GALNT14: variants seen among roughly 807,000 people sequenced by gnomAD.
The protein encoded by GALNT14 is UDP-GalNAc:polypeptide N-acetylgalactosaminyltransferase 14.
In GALNT14, 60 loss-of-function variants were observed where a neutral mutation model predicts 77.5. The observed-to-expected ratio is 0.77, with a 90% CI of 0.63 to 0.96. The LOEUF (loss-of-function observed/expected upper bound fraction) is 0.96, where lower values mean the gene tolerates loss of function less well. GALNT14 is among the 40% of genes least tolerant of loss of function. The probability of loss-of-function intolerance (pLI) is 0.00; values close to 1 mark genes in which losing one functional copy is unlikely to be tolerated. For synonymous variants in GALNT14, 280 were observed against 281.7 expected (o/e 0.99, Z 0.06); for missense variants, 710 against 731.0 (o/e 0.97, Z 0.33).
intron 1 of GALNT14, among the ~76,000 whole-genome samples, chr2:31,131,676 G>A (rs1386140646): frequency 6.6e-6 from 1 of 152,168 alleles, no homozygotes; most frequent in African/African-American, 2.4e-5. Flanking sequence ...GGTGTAGGAT[G>A]TAGGCACAGG....
chr2:31,079,055 CTG>C, intron 1 of GALNT14: 3 of 1,263,358 alleles, frequency 2.4e-6, no homozygotes, highest in African/African-American at 3.1e-5. Context: ...CAGCTGCAAA[CTG>C]TTTTCAATTC....
At chr2:30,964,176 C>T (rs575250111) in intron 3 of GALNT14, among the ~76,000 whole-genome samples, 1 of 152,308 alleles carries the variant, frequency 6.6e-6, no homozygotes, top group African/African-American at 2.4e-5. Flanking sequence ...CTCTCAGGTG[C>T]TAACGCTGTT....
intron 1 of GALNT14, among the ~76,000 whole-genome samples, chr2:31,048,593 C>G (rs994857155): frequency 8.3e-5 from 9 of 108,160 alleles, no homozygotes; most frequent in Non-Finnish European, 1.8e-4. Flanking sequence ...CCTCCCCACC[C>G]CCACTCCTGC....
At chr2:31,068,413 G>A (rs1302711657) in intron 1 of GALNT14, among the ~76,000 whole-genome samples, 1 of 150,580 alleles carries the variant, frequency 6.6e-6, no homozygotes, top group Non-Finnish European at 1.5e-5. Flanking sequence ...CTTGAACCCA[G>A]CAGGCGAAGG....
intron 1 of GALNT14, among the ~76,000 whole-genome samples, chr2:31,044,092 T>C (rs1400477955): frequency 1.3e-5 from 2 of 152,198 alleles, no homozygotes; most frequent in African/African-American, 4.8e-5. Flanking sequence ...CCTTTAATCA[T>C]CCAAAGATCA....
At chr2:31,095,657 G>T (rs575638048) in intron 1 of GALNT14, among the ~76,000 whole-genome samples, 27 of 151,452 alleles carry the variant, frequency 1.8e-4, no homozygotes, top group African/African-American at 6.1e-4. Context: ...CCAGCTATTT[G>T]ATGTCCTAAT....
intron 1 of GALNT14, among the ~76,000 whole-genome samples, chr2:31,121,338 A>G (rs1193344062): frequency 6.6e-6 from 1 of 152,194 alleles, no homozygotes. Flanking sequence ...CAGAACATAC[A>G]CAGCAACGCT....
At chr2:31,059,003 G>A (rs899850541) in intron 1 of GALNT14, among the ~76,000 whole-genome samples, 3 of 152,116 alleles carry the variant, frequency 2.0e-5, no homozygotes, top group Admixed American at 2.0e-4. Flanking sequence ...AACAGAAAAG[G>A]CATTGAAGAG....
At chr2:30,932,822 T>C (rs999310418) in intron 9 of GALNT14, among the ~76,000 whole-genome samples, 2 of 152,264 alleles carry the variant, frequency 1.3e-5, no homozygotes, top group African/African-American at 4.8e-5. Flanking sequence ...GCCACCTGAA[T>C]CATAACCCAG....
intron 1 of GALNT14, among the ~76,000 whole-genome samples, chr2:31,074,212 A>T (rs1323764458): frequency 3.9e-5 from 6 of 152,172 alleles, no homozygotes. Flanking sequence ...AGCAAAGCAC[A>T]CGGCCTGCAG....
intron 13 of GALNT14, among the ~76,000 whole-genome samples, chr2:30,912,953 G>A (rs1248658598): frequency 2.0e-5 from 3 of 152,200 alleles, no homozygotes; most frequent in Non-Finnish European, 4.4e-5. Flanking sequence ...TCAGGAGGGT[G>A]CATGTGCCAG....
intron 1 of GALNT14, chr2:31,132,831 C>T (rs1679055178): frequency 1.7e-5 from 7 of 422,538 alleles, no homozygotes; most frequent in Non-Finnish European, 3.4e-5. Context: ...GTTTAGGAGT[C>T]ATGCAGCTGG....
At chr2:30,987,713 C>T (rs1407720168) in intron 2 of GALNT14, among the ~76,000 whole-genome samples, 2 of 17,352 alleles carry the variant, frequency 1.2e-4, no homozygotes, top group South Asian at 4.5e-3. Context: ...TCCTCCCTCC[C>T]CCTCCTCCCC....
At chr2:30,970,821 C>T (rs1668303788) in intron 2 of GALNT14, among the ~76,000 whole-genome samples, 1 of 152,172 alleles carries the variant, frequency 6.6e-6, no homozygotes, top group South Asian at 2.1e-4. Context: ...GACTCTCCTC[C>T]TGCCCCTGCT....
intron 1 of GALNT14, among the ~76,000 whole-genome samples, chr2:31,029,819 CTAT>C (rs1354449170): frequency 6.6e-6 from 1 of 152,194 alleles, no homozygotes; most frequent in East Asian, 1.9e-4. Flanking sequence ...TGATTGACTA[CTAT>C]AATTTTTTTG....
chr2:30,989,233 C>T (rs1248633393), intron 2 of GALNT14, among the ~76,000 whole-genome samples: 5 of 152,092 alleles, frequency 3.3e-5, no homozygotes, highest in South Asian at 2.1e-4. Context: ...ATGCTAAGGA[C>T]CAGCACCCCA....
chr2:31,062,107 A>C (rs772273002), intron 1 of GALNT14, among the ~76,000 whole-genome samples: 4 of 152,252 alleles, frequency 2.6e-5, no homozygotes, highest in Non-Finnish European at 4.4e-5. Context: ...CAAGTTTGTT[A>C]CATAGGTATA....
At chr2:31,105,086 G>A (rs1677488284) in intron 1 of GALNT14, among the ~76,000 whole-genome samples, 1 of 152,134 alleles carries the variant, frequency 6.6e-6, no homozygotes, top group Admixed American at 6.5e-5. Flanking sequence ...TTTATCAGTT[G>A]TCATTTTTCG....
chr2:30,968,931 C>T (rs1011546172), intron 2 of GALNT14, among the ~76,000 whole-genome samples: 1 of 152,014 alleles, frequency 6.6e-6, no homozygotes, highest in African/African-American at 2.4e-5. Context: ...GGGCATTGCT[C>T]GTAGGTAGTT....
Sources: gnomAD v4.1 joint callset for allele counts (sites outside exome capture counted in the v4.1 genomes callset) on GRCh38, gnomAD v4.1.1 for gene constraint, MANE v1.5 for transcripts, NCBI Gene and HGNC (gene_info 2026-07-23, HGNC 2026-07-21) for gene names.